PCDHGA2: variants seen among roughly 807,000 people sequenced by gnomAD.
PCDHGA2 encodes protocadherin gamma subfamily A, 2.
A neutral mutation model predicts 59.2 loss-of-function variants in PCDHGA2; 40 were observed. The ratio of observed to expected loss-of-function variants is 0.68; its 90% CI spans 0.52 to 0.88. The LOEUF is 0.88. Among genes scored for constraint, PCDHGA2 ranks in the 40% least tolerant of loss-of-function variants. The pLI is 0.00. For missense variants in PCDHGA2, 1,226 were observed against 1,204.0 expected, an observed-to-expected ratio of 1.02 and a Z score of -0.27; for synonymous variants, 560 against 526.0, an observed-to-expected ratio of 1.06 and a Z score of -0.89.
Position 141,487,289 on chromosome 5 carries a change from G to A in PCDHGA2, c.2425-7518G>A. The A allele has an allele frequency of 1.2e-6, 2 of 1,614,096 alleles. No individual in the cohort carries two copies. The highest frequency in any genetic ancestry group is 1.7e-6 in the Non-Finnish European group (2 of 1,180,024). On this transcript the variant is annotated intron_variant, in intron 1 of 3. Coordinates refer to ENST00000394576, the MANE Select transcript of PCDHGA2 (RefSeq NM_018915.4). The surrounding 1 kb of genome is among the most constrained non-coding windows in gnomAD (Gnocchi z 5.0). ...AGTGGCAATTTGCTTTGTCTCCTTTGGCTCATTCGTGGCACTACTCTCTAA... is the reference window on the plus strand; with the variant it reads ...AGTGGCAATTTGCTTTGTCTCCTTTAGCTCATTCGTGGCACTACTCTCTAA...
chr5:141,423,035 C>T (rs1220219512), intron 1 of PCDHGA2: 2 of 1,614,214 alleles, frequency 1.2e-6, no homozygotes, highest in Admixed American at 3.3e-5. Flanking sequence ...GGCCAGAACG[C>T]CTGGCTGTCC....
chr5:141,400,588 T>TC, intron 1 of PCDHGA2: 1 of 1,606,158 alleles, frequency 6.2e-7, no homozygotes, highest in South Asian at 1.1e-5. Flanking sequence ...TACATGAAAC[T>TC]ATCGTACATT....
intron 1 of PCDHGA2, chr5:141,399,983 C>T (rs767278001): frequency 7.4e-6 from 12 of 1,612,374 alleles, no homozygotes; most frequent in Non-Finnish European, 1.0e-5. Context: ...GGGCTGCGCA[C>T]AGGAGAGGTG....
chr5:141,399,259 G>A, intron 1 of PCDHGA2: 1 of 1,613,874 alleles, frequency 6.2e-7, no homozygotes, highest in Non-Finnish European at 8.5e-7. Context: ...AAATGGGGAG[G>A]TTAATTGTCA....
At chr5:141,409,821 C>T in intron 1 of PCDHGA2, 1 of 1,610,940 alleles carries the variant, frequency 6.2e-7, no homozygotes, top group Non-Finnish European at 8.5e-7. Flanking sequence ...CACGGCTCGC[C>T]CACGCTCAGC....
At position 141,405,363 on chromosome 5, in the gene PCDHGA2, C is replaced by T. The variant is rs765508317; in HGVS notation, c.2424+63968C>T. The T allele has an allele frequency of 2.0e-5, 33 of 1,613,690 alleles. No individual in the cohort carries two copies. The highest frequency in any genetic ancestry group is 2.7e-5 in the African/African-American group (2 of 74,888). On this transcript the variant is annotated intron_variant, in intron 1 of 3. Coordinates refer to ENST00000394576, the MANE Select transcript of PCDHGA2 (RefSeq NM_018915.4). ...GATTCCAAGTTTCCTATAGAAGACACCCCTTTGGTTCCGGTGAGTTCATTT... is the reference window on the plus strand; with the variant it reads ...GATTCCAAGTTTCCTATAGAAGACATCCCTTTGGTTCCGGTGAGTTCATTT...
At chr5:141,505,983 C>G (rs1235662535) in intron 3 of PCDHGA2, among the ~76,000 whole-genome samples, 1 of 152,148 alleles carries the variant, frequency 6.6e-6, no homozygotes, top group Non-Finnish European at 1.5e-5. Context: ...GAGAGAACAC[C>G]TCCTCTTTAT....
chr5:141,490,846 G>T lies in PCDHGA2; in HGVS notation c.2425-3961G>T. 1 of 1,613,880 alleles carries T rather than the reference G, an allele frequency of 6.2e-7. No individual in the cohort carries two copies. Among genetic ancestry groups the T allele is most frequent in the Non-Finnish European group, 8.5e-7 (1 of 1,179,906 alleles). ...GCAGATGCTGCAGATTGTGGTGGGG[G>T]TTCGAGACTCCGGCTCTCCCCCATT... On this transcript the variant is annotated intron_variant, in intron 1 of 3. Coordinates refer to ENST00000394576, the MANE Select transcript of PCDHGA2 (RefSeq NM_018915.4). This position sits in a 1 kb window ranked among gnomAD's most constrained non-coding sequence, Gnocchi z 5.4.
chr5:141,383,083 C>G, intron 1 of PCDHGA2: 1 of 1,613,852 alleles, frequency 6.2e-7, no homozygotes. Flanking sequence ...GCTGGCGGAG[C>G]GCGGAGTCCG....
intron 1 of PCDHGA2, chr5:141,414,115 G>A: frequency 6.3e-7 from 1 of 1,591,952 alleles, no homozygotes; most frequent in Middle Eastern, 1.7e-4. Flanking sequence ...TCTAGATTAT[G>A]AAGAAACCGG....
intron 1 of PCDHGA2, chr5:141,383,876 G>A (rs747987128): frequency 3.7e-6 from 6 of 1,613,860 alleles, no homozygotes; most frequent in African/African-American, 1.3e-5. Context: ...GATGGTCCTG[G>A]TAGTCTGACA....
At chr5:141,353,541 T>C (rs1218571073) in intron 1 of PCDHGA2, among the ~76,000 whole-genome samples, 1 of 152,230 alleles carries the variant, frequency 6.6e-6, no homozygotes, top group East Asian at 1.9e-4. Flanking sequence ...CATCACTAAC[T>C]TTGAGTCAAT....
intron 1 of PCDHGA2, chr5:141,350,353 C>T (rs879584256): frequency 2.9e-5 from 45 of 1,563,312 alleles, no homozygotes; most frequent in Non-Finnish European, 3.8e-5. Context: ...CCCAGCAGAT[C>T]CGATACACGA....
At position 141,404,694 on chromosome 5, in the gene PCDHGA2, C is replaced by G. The variant is rs749803871; in HGVS notation, c.2424+63299C>G. 3.1e-6 allele frequency: 5 copies of G among 1,613,998 alleles called. No individual in the cohort carries two copies. In the Admixed American group the frequency reaches 5.0e-5, roughly 16 times the overall value. On this transcript the variant is annotated intron_variant, in intron 1 of 3. Coordinates refer to ENST00000394576, the MANE Select transcript of PCDHGA2 (RefSeq NM_018915.4). ...ACTGGTGTGGAGCTGGCACCCCGCT[C>G]TGCAGAGCCTGGCTACCTGGTGACC...
At chr5:141,395,901 C>G (rs1019647060) in intron 1 of PCDHGA2, 6 of 152,046 alleles carry the variant, frequency 3.9e-5, no homozygotes, top group African/African-American at 1.4e-4. Flanking sequence ...GCTCCATGCC[C>G]ATGGAGACAT....
intron 1 of PCDHGA2, chr5:141,409,281 C>A (rs1238898498): frequency 6.2e-7 from 1 of 1,613,874 alleles, no homozygotes; most frequent in Non-Finnish European, 8.5e-7. Flanking sequence ...TTGGAGAATT[C>A]ACCTCCAGGA....
intron 1 of PCDHGA2, chr5:141,408,220 G>T: frequency 6.4e-7 from 1 of 1,558,994 alleles, no homozygotes; most frequent in Admixed American, 1.9e-5. Flanking sequence ...GGAGCTGCGC[G>T]CAGAGGCGCC....
chr5:141,404,169 C>T (rs199556803), intron 1 of PCDHGA2: 118 of 1,612,734 alleles, frequency 7.3e-5, no homozygotes, highest in Non-Finnish European at 8.8e-5. Flanking sequence ...AGATTGTTGA[C>T]GGCCCAAATT....
Position 141,351,634 on chromosome 5 carries a change from T to C in PCDHGA2, c.2424+10239T>C, listed in dbSNP as rs763844843. 3 of 1,614,058 alleles carry C rather than the reference T, an allele frequency of 1.9e-6. No homozygotes were observed. In the East Asian group the frequency reaches 6.7e-5, roughly 36 times the overall value. ...AGGCCTCCTATGTGGTCCACGTGTC[T>C]GAGAACAACCCACCTGGCGCCTCCA... is the stretch of plus-strand genomic sequence containing the variant. On this transcript the variant is annotated intron_variant, in intron 1 of 3. Coordinates refer to ENST00000394576, the MANE Select transcript of PCDHGA2 (RefSeq NM_018915.4).
Sources: gnomAD v4.1 joint callset for allele counts (sites outside exome capture counted in the v4.1 genomes callset) on GRCh38, gnomAD v4.1.1 for gene constraint, Gnocchi (gnomAD v3.1) non-coding constraint, MANE v1.5 for transcripts, NCBI Gene and HGNC (gene_info 2026-07-23, HGNC 2026-07-21) for gene names.